SLCO2A1: variants seen among roughly 807,000 people sequenced by gnomAD.
SLCO2A1 encodes solute carrier organic anion transporter family member 2A1.
SLCO2A1 carries 60 observed loss-of-function variants against 71.7 expected under a neutral mutation model. The observed-to-expected ratio is 0.84, with a 90% confidence interval of 0.68 to 1.04. SLCO2A1 has a LOEUF of 1.04. SLCO2A1 is among the 50% of genes least tolerant of loss of function. The pLI is 0.00. For synonymous variants in SLCO2A1, 308 were observed against 326.7 expected (o/e 0.94, Z 0.62); for missense variants, 745 against 813.4 (o/e 0.92, Z 1.02).
rs148547180 is a variant in SLCO2A1 at position 133,955,170 on chromosome 3, C to T, written c.421G>A (p.Glu141Lys). ...TCCTGCCAATGCTTCTGGCAGAGCTCGGCCTGCAAGCGGCTGTTGTTCCCT... is the reference window on the plus strand; with the variant it reads ...TCCTGCCAATGCTTCTGGCAGAGCTTGGCCTGCAAGCGGCTGTTGTTCCCT... ...STGNNSRLQA[E>K]LCQKHWQDLP... The change falls in exon 4 of 14, where the codon GAG (glutamate) becomes AAG (lysine). Residue 141 changes from glutamate (E) to lysine (K), a missense_variant. Glu to Lys is a moderately conservative substitution (Grantham distance 56). Coordinates refer to ENST00000310926, the MANE Select transcript of SLCO2A1 (RefSeq NM_005630.3). The T allele has an allele frequency of 1.6e-5, 26 of 1,613,606 alleles. No individual in the cohort carries two copies. The highest frequency in any genetic ancestry group is 6.6e-5 in the South Asian group (6 of 91,014).
rs189158551 is a variant in SLCO2A1 at position 133,965,600 on chromosome 3, C to A, written c.397+8063G>T. 1.2e-4 allele frequency among the ~76,000 whole-genome samples: 14 copies of A among 117,716 alleles called. No individual in the cohort carries two copies. The Admixed American group carries it at 1.3e-3, about 11-fold the overall frequency. 77.2% of individuals were successfully genotyped at this position (117,716 alleles called of 152,430 possible). A position where few individuals can be genotyped will look rare whatever the true frequency, so the allele number is the denominator to read the frequency against. ...ACAGGGAGAAAATATGAAGCTTGACCGTAGCTTCAAGGAATTCAGCTAGTC... is the reference window on the plus strand; with the variant it reads ...ACAGGGAGAAAATATGAAGCTTGACAGTAGCTTCAAGGAATTCAGCTAGTC... On this transcript the variant is annotated intron_variant, in intron 3 of 13. Coordinates refer to ENST00000310926, the MANE Select transcript of SLCO2A1 (RefSeq NM_005630.3).
intron 1 of SLCO2A1, among the ~76,000 whole-genome samples, chr3:134,002,033 G>T (rs896722640): frequency 4.6e-5 from 7 of 152,128 alleles, no homozygotes; most frequent in Admixed American, 6.6e-5. Context: ...AGCCACAAAG[G>T]GGACCCCCAC....
intron 12 of SLCO2A1, among the ~76,000 whole-genome samples, chr3:133,937,618 G>C (rs949704835): frequency 6.6e-6 from 1 of 152,182 alleles, no homozygotes; most frequent in African/African-American, 2.4e-5. Flanking sequence ...AGTCAGAAAC[G>C]ACACCTTATA....
At chr3:134,015,154 A>G (rs1422937401) in intron 1 of SLCO2A1, among the ~76,000 whole-genome samples, 2 of 152,228 alleles carry the variant, frequency 1.3e-5, no homozygotes, top group African/African-American at 4.8e-5. Flanking sequence ...CTTGCTCTAC[A>G]TTATTCACAA....
At chr3:133,986,129 A>G (rs754584259) in intron 1 of SLCO2A1, among the ~76,000 whole-genome samples, 5 of 152,254 alleles carry the variant, frequency 3.3e-5, no homozygotes, top group Non-Finnish European at 5.9e-5. Context: ...TGTGCATTTT[A>G]TTATATGTAA....
chr3:133,942,893 T>TGAAGC (rs2108039139), intron 10 of SLCO2A1, 125 bp from the exon 11 acceptor site: 1 of 1,021,280 alleles, frequency 9.8e-7, no homozygotes, highest in East Asian at 3.0e-5. Flanking sequence ...CTGGGTCTGG[T>TGAAGC]TCCCAGGGAA....
At chr3:133,987,255 G>A (rs1488008399) in intron 1 of SLCO2A1, among the ~76,000 whole-genome samples, 1 of 150,282 alleles carries the variant, frequency 6.7e-6, no homozygotes, top group Non-Finnish European at 1.5e-5. Context: ...AGGAAGTGGG[G>A]GTCAGACAGA....
chr3:133,953,829 A>G, intron 4 of SLCO2A1, 68 bp from the exon 5 acceptor site: 1 of 1,213,294 alleles, frequency 8.2e-7, no homozygotes. Flanking sequence ...TGGGCTCCCA[A>G]GCTGAGGGGG....
At position 133,955,355 on chromosome 3, in the gene SLCO2A1, G is replaced by T. The variant is rs1285422815; in HGVS notation, c.398-162C>A. The T allele has an allele frequency of 8.3e-6, 5 of 605,232 alleles. No homozygotes were observed. The Admixed American group carries it at 1.5e-4, about 18-fold the overall frequency. The allele number at this position is 605,232 out of a possible 1,614,324, so 37.5% of individuals were successfully genotyped here. On this transcript the variant is annotated intron_variant, in intron 3 of 13. Transcript: ENST00000310926. ...TGGTTCCTGAGGACCGCGTCCTTCTGTCTGGCCAGCAGGAGGGACTCTAGA... is the reference window on the plus strand; with the variant it reads ...TGGTTCCTGAGGACCGCGTCCTTCTTTCTGGCCAGCAGGAGGGACTCTAGA...
chr3:134,015,098 C>T (rs1335887165), intron 1 of SLCO2A1, among the ~76,000 whole-genome samples: 5 of 152,144 alleles, frequency 3.3e-5, no homozygotes, highest in Admixed American at 2.0e-4. Context: ...ATAAGATAAA[C>T]ACATACCATT....
chr3:134,003,267 A>G (rs1319805265), intron 1 of SLCO2A1, among the ~76,000 whole-genome samples: 1 of 152,252 alleles, frequency 6.6e-6, no homozygotes, highest in Non-Finnish European at 1.5e-5. Context: ...TAGGAGAAGC[A>G]GACATGAGCT....
intron 1 of SLCO2A1, among the ~76,000 whole-genome samples, chr3:134,016,337 T>TA (rs547310416): frequency 3.6e-4 from 53 of 147,278 alleles, no homozygotes; most frequent in Non-Finnish European, 6.2e-4. Flanking sequence ...ATGCAACTGT[T>TA]AAAAAAAAAA....
In SLCO2A1 at chr3:133,974,395, A is replaced by G. The variant is rs568959657; in HGVS notation, c.235-570T>C. On this transcript the variant is annotated intron_variant, in intron 2 of 13. Coordinates refer to ENST00000310926, the MANE Select transcript of SLCO2A1 (RefSeq NM_005630.3). Reference sequence around the variant, plus strand: ...GTTCAGAATATTAAGTAACATACCCATCACTATGAGGTTAGGGCATGGCTT... The same window carrying G: ...GTTCAGAATATTAAGTAACATACCCGTCACTATGAGGTTAGGGCATGGCTT... 3.3e-5 allele frequency among the ~76,000 whole-genome samples: 5 copies of G among 152,334 alleles called. No individual in the cohort carries two copies. The East Asian group carries it at 9.6e-4, about 29-fold the overall frequency.
chr3:134,010,644 C>G (rs1349266238), intron 1 of SLCO2A1, among the ~76,000 whole-genome samples: 1 of 150,852 alleles, frequency 6.6e-6, no homozygotes, highest in African/African-American at 2.4e-5. Context: ...ATTCCAGCTA[C>G]TCAAGGGGCT....
At chr3:133,992,894 C>G (rs911043940) in intron 1 of SLCO2A1, among the ~76,000 whole-genome samples, 9 of 152,020 alleles carry the variant, frequency 5.9e-5, no homozygotes, top group Middle Eastern at 3.4e-3. Context: ...TACTCTTGGA[C>G]GCCAGACAAG....
At chr3:133,956,760 C>T (rs1359724655) in intron 3 of SLCO2A1, among the ~76,000 whole-genome samples, 1 of 152,128 alleles carries the variant, frequency 6.6e-6, no homozygotes, top group Non-Finnish European at 1.5e-5. Context: ...GCTGGAACAG[C>T]TTGTTAGAAT....
intron 3 of SLCO2A1, among the ~76,000 whole-genome samples, chr3:133,971,067 C>T (rs988045168): frequency 4.6e-5 from 7 of 152,232 alleles, no homozygotes; most frequent in Admixed American, 3.3e-4. Flanking sequence ...GGGCCCAGGC[C>T]ATGGGAGCTG....
chr3:133,969,578 G>T (rs137905047), intron 3 of SLCO2A1, among the ~76,000 whole-genome samples: 1 of 151,904 alleles, frequency 6.6e-6, no homozygotes, highest in Admixed American at 6.6e-5. Flanking sequence ...TAGAGATGGG[G>T]TCTCACTGTG....
intron 1 of SLCO2A1, among the ~76,000 whole-genome samples, chr3:133,995,561 T>C (rs2108066776): frequency 6.6e-6 from 1 of 152,284 alleles, no homozygotes; most frequent in South Asian, 2.1e-4. Context: ...TTCCTGGTAG[T>C]AAAGAATGTC....
Sources: allele counts gnomAD v4.1 joint callset (sites outside exome capture counted in the v4.1 genomes callset), GRCh38; gene constraint gnomAD v4.1.1; transcripts MANE v1.5; gene names NCBI Gene and HGNC (gene_info 2026-07-23, HGNC 2026-07-21).